The following BLTP1 variants were observed in gnomAD, a reference collection of about 807,000 sequenced individuals.
BLTP1 encodes the protein fragile site-associated protein.
At chr4:122,276,832 G>C in the BLTP1 span, 48 of 977,274 alleles carry the variant, frequency 4.9e-5, no homozygotes, top group Non-Finnish European at 5.7e-5. Flanking sequence ...GTAATACCTA[G>C]ATTTTACTGT....
the BLTP1 span, chr4:122,331,471 A>C: frequency 6.2e-7 from 1 of 1,611,984 alleles, no homozygotes. Flanking sequence ...ACGGGTTGAA[A>C]TTGATAGTGG....
the BLTP1 span, chr4:122,183,454 A>G: frequency 5.1e-6 from 5 of 984,438 alleles, no homozygotes; most frequent in Middle Eastern, 5.2e-4. Context: ...TTAGGCTTAT[A>G]GCTTTAAACT....
At chr4:122,240,303 A>G in the BLTP1 span, 5 of 1,614,124 alleles carry the variant, frequency 3.1e-6, no homozygotes, top group East Asian at 2.2e-5. Context: ...TACACCAACC[A>G]GTGAAGAAAG....
the BLTP1 span, chr4:122,273,207 T>C: frequency 1.0e-6 from 1 of 959,860 alleles, no homozygotes; most frequent in Non-Finnish European, 1.2e-6. Context: ...TTCAGAAATT[T>C]GTAAGGTCTA....
At chr4:122,251,057 G>GT in the BLTP1 span, 1 of 985,228 alleles carries the variant, frequency 1.0e-6, no homozygotes, top group Non-Finnish European at 1.2e-6. Context: ...GATGAGTACA[G>GT]TAACAGCAAC....
the BLTP1 span, chr4:122,292,478 CAT>C: frequency 5.9e-6 from 5 of 847,806 alleles, no homozygotes; most frequent in African/African-American, 3.7e-5. Flanking sequence ...TATGTTAAAA[CAT>C]GTATTTGTTT....
the BLTP1 span, among the ~76,000 whole-genome samples, chr4:122,288,291 GA>G: frequency 6.6e-6 from 1 of 152,130 alleles, no homozygotes; most frequent in African/African-American, 2.4e-5. Context: ...GTAAGCCTGA[GA>G]CCCAGAATTT....
At chr4:122,354,476 G>GTT in the BLTP1 span, among the ~76,000 whole-genome samples, 3,359 of 147,216 alleles carry the variant, frequency 0.023, 104 homozygotes, top group African/African-American at 0.07. Context: ...GCTTTTGATA[G>GTT]TTTTTTTTTT....
At chr4:122,257,746 T>C in the BLTP1 span, among the ~76,000 whole-genome samples, 1 of 152,178 alleles carries the variant, frequency 6.6e-6, no homozygotes, top group Middle Eastern at 3.2e-3. Flanking sequence ...ATAATTCATG[T>C]CCCAAATTGG....
At chr4:122,209,722 A>G in the BLTP1 span, 1 of 1,454,874 alleles carries the variant, frequency 6.9e-7, no homozygotes, top group Non-Finnish European at 9.2e-7. Context: ...CTTCTTTCAA[A>G]AAATAATAAT....
At chr4:122,340,307 A>G in the BLTP1 span, among the ~76,000 whole-genome samples, 2 of 152,144 alleles carry the variant, frequency 1.3e-5, no homozygotes, top group Non-Finnish European at 2.9e-5. Context: ...GAAGGTTTGC[A>G]TTAAGCGTGA....
the BLTP1 span, chr4:122,198,399 G>C: frequency 1.0e-6 from 1 of 985,146 alleles, no homozygotes; most frequent in Admixed American, 6.2e-5. Flanking sequence ...TCTTTTACAG[G>C]TGTATGATGG....
At chr4:122,263,066 A>G in the BLTP1 span, 1 of 1,431,958 alleles carries the variant, frequency 7.0e-7, no homozygotes, top group Non-Finnish European at 9.4e-7. Context: ...AGTTAGATAT[A>G]TACTTTGGTA....
At chr4:122,257,151 T>A in the BLTP1 span, 1 of 1,179,092 alleles carries the variant, frequency 8.5e-7, no homozygotes, top group Non-Finnish European at 1.2e-6. Flanking sequence ...TTTCTTTATC[T>A]CTAAATGAGT....
chr4:122,277,660 A>G, the BLTP1 span: 1 of 971,108 alleles, frequency 1.0e-6, no homozygotes, highest in Non-Finnish European at 1.2e-6. Flanking sequence ...TATGAATCAG[A>G]CTTTTATCAT....
chr4:122,270,339 G>A, the BLTP1 span: 2 of 984,502 alleles, frequency 2.0e-6, no homozygotes, highest in Non-Finnish European at 2.4e-6. Flanking sequence ...GAAGAAGAGG[G>A]AAAAATACCT....
At chr4:122,265,492 C>G in the BLTP1 span, among the ~76,000 whole-genome samples, 2 of 151,956 alleles carry the variant, frequency 1.3e-5, no homozygotes, top group African/African-American at 4.8e-5. Context: ...AATTAGGAAG[C>G]TAATGATCAA....
chr4:122,318,293 A>T, the BLTP1 span: 3 of 1,600,864 alleles, frequency 1.9e-6, no homozygotes, highest in East Asian at 2.2e-5. Context: ...TTTTCTTTCA[A>T]TGCTGGTGAC....
At chr4:122,271,812 A>G in the BLTP1 span, 1 of 907,330 alleles carries the variant, frequency 1.1e-6, no homozygotes, top group Non-Finnish European at 1.6e-6. Flanking sequence ...TGTTTTCTTA[A>G]TGTCGTAAGT....
Sources: gnomAD v4.1 joint callset for allele counts (sites outside exome capture counted in the v4.1 genomes callset) on GRCh38, gnomAD v4.1.1 for gene constraint, MANE v1.5 for transcripts, NCBI Gene and HGNC (gene_info 2026-07-23, HGNC 2026-07-21) for gene names.